DNAH17: variants seen among roughly 807,000 people sequenced by gnomAD.
The protein encoded by DNAH17 is axonemal beta dynein heavy chain 17.
A neutral mutation model predicts 485.6 loss-of-function variants in DNAH17; 376 were observed. The ratio of observed to expected loss-of-function variants is 0.77; its 90% confidence interval spans 0.71 to 0.84. The LOEUF is 0.84. DNAH17 is among the 40% of genes least tolerant of loss of function. The pLI is 0.00. For missense variants in DNAH17, 6,370 were observed against 5,839.3 expected, an observed-to-expected ratio of 1.09 and a Z score of -2.96; for synonymous variants, 3,031 against 2,405.9, an observed-to-expected ratio of 1.26 and a Z score of -7.60.
chr17:78,483,039 T>C, intron 48 of DNAH17, among the ~76,000 whole-genome samples: 1 of 152,226 alleles, frequency 6.6e-6, no homozygotes, highest in East Asian at 1.9e-4. Context: ...ACAGTAGACC[T>C]GCCTGCAGAG....
intron 57 of DNAH17, among the ~76,000 whole-genome samples, chr17:78,462,610 C>T (rs764165338): frequency 2.0e-5 from 3 of 152,210 alleles, no homozygotes; most frequent in East Asian, 1.9e-4. Flanking sequence ...CTGTGTAATG[C>T]GCCCTCCATA....
At chr17:78,464,313 G>A (rs538054937) in intron 56 of DNAH17, among the ~76,000 whole-genome samples, 1 of 152,216 alleles carries the variant, frequency 6.6e-6, no homozygotes, top group African/African-American at 2.4e-5. Context: ...AGGCTAGAGT[G>A]CAGTGGCACA....
rs1285960422 is a variant in DNAH17, at chr17:78,459,877, G to A, written c.9560C>T (p.Ala3187Val). The change falls in exon 60 of 81, where the codon GCC (alanine) becomes GTC (valine). Residue 3187 changes from alanine (A) to valine (V), a missense_variant. Ala to Val is a moderately conservative substitution (Grantham distance 64). Transcript: ENST00000389840. Reference protein sequence around the residue: ...KIPKDKSWKAAKIMMGKVDTF... With the variant: ...KIPKDKSWKAVKIMMGKVDTF... ...GTCCACCTTGCCCATCATGATCTTG[G>A]CCGCCTTCCAGCTCTTGTCCTTGGG... is the stretch of plus-strand genomic sequence containing the variant. 1.2e-6 allele frequency: 2 copies of A among 1,614,040 alleles called. No homozygotes were observed. The highest frequency in any genetic ancestry group is 1.3e-5 in the African/African-American group (1 of 75,056).
In DNAH17 at chr17:78,501,661, G is replaced by A. The variant is rs2090295390; in HGVS notation, c.5322+81C>T. 4 of 1,543,888 alleles carry A rather than the reference G, an allele frequency of 2.6e-6. No individual in the cohort carries two copies. The South Asian group carries it at 4.7e-5, about 18-fold the overall frequency. On this transcript the variant is annotated intron_variant, in intron 34 of 80. Coordinates refer to ENST00000389840, the MANE Select transcript of DNAH17 (RefSeq NM_173628.4). Reference sequence around the variant, plus strand: ...TGCCCCAGGAAGAGGAAGTGGCAGGGTCTGAAGTCCCTGAATGCACTGCCC... The same window carrying A: ...TGCCCCAGGAAGAGGAAGTGGCAGGATCTGAAGTCCCTGAATGCACTGCCC...
At chr17:78,539,385 G>C (rs2091461882) in intron 18 of DNAH17, among the ~76,000 whole-genome samples, 2 of 152,290 alleles carry the variant, frequency 1.3e-5, no homozygotes, top group East Asian at 3.9e-4. Context: ...AGTGGCTGTT[G>C]TTGCTGACAG....
At chr17:78,428,790 G>C (rs1292221221) in intron 76 of DNAH17, 83 bp from the exon 77 acceptor site, 17 of 1,509,198 alleles carry the variant, frequency 1.1e-5, no homozygotes, top group Non-Finnish European at 1.6e-5. Context: ...TTCCTTGCCA[G>C]AACGTTCACC....
Position 78,574,920 on chromosome 17 carries a change from C to G in DNAH17, c.138G>C (p.Lys46Asn), listed in dbSNP as rs765654501. 6.2e-7 allele frequency: 1 copy of G among 1,614,036 alleles called. No individual in the cohort carries two copies. The highest frequency in any genetic ancestry group is 1.1e-5 in the South Asian group (1 of 91,086). Reference sequence around the variant, plus strand: ...TCAGCACCAGCACCTGGACGTCGGGCTTTTCAAAGAACTCTGTGAACAGGG... The same window carrying G: ...TCAGCACCAGCACCTGGACGTCGGGGTTTTCAAAGAACTCTGTGAACAGGG... ...NVALFTEFFEKPDVQVLVLTL... is the reference protein window; with the variant it reads ...NVALFTEFFENPDVQVLVLTL... The change falls in exon 2 of 81, where the codon AAG (lysine) becomes AAC (asparagine). Residue 46 changes from lysine to asparagine, a missense_variant. By Grantham distance (94) the Lys-to-Asn change is moderately conservative. Coordinates refer to ENST00000389840, the MANE Select transcript of DNAH17 (RefSeq NM_173628.4).
chr17:78,566,845 C>G, intron 10 of DNAH17, 115 bp from the exon 11 acceptor site: 3 of 1,292,602 alleles, frequency 2.3e-6, no homozygotes, highest in Non-Finnish European at 3.2e-6. Flanking sequence ...GCTGAATGTG[C>G]TGTTGCGGGG....
At chr17:78,573,031 T>TC (rs2092383121) in intron 2 of DNAH17, 137 bp from the exon 3 acceptor site, 2 of 698,448 alleles carry the variant, frequency 2.9e-6, no homozygotes, top group Non-Finnish European at 4.7e-6. Flanking sequence ...CAGAGCCAGG[T>TC]CCCCAGGGGG....
intron 13 of DNAH17, among the ~76,000 whole-genome samples, chr17:78,560,536 G>A (rs1050149013): frequency 2.0e-5 from 3 of 152,104 alleles, no homozygotes; most frequent in Admixed American, 1.3e-4. Flanking sequence ...ACGCTTTCAA[G>A]AAGATACTCA....
chr17:78,466,812 A>AT lies in DNAH17; in HGVS notation c.8782dup (p.Ile2928AsnfsTer50). 6.3e-7 allele frequency: 1 copy of AT among 1,585,498 alleles called. No individual in the cohort carries two copies. The highest frequency in any genetic ancestry group is 8.6e-7 in the Non-Finnish European group (1 of 1,166,532). On this transcript the variant is annotated frameshift_variant, in exon 56 of 81. Transcript: ENST00000389840. LOFTEE classifies it high-confidence loss of function. ...GGAGCCCACAGGGGAGAAACACAGGATCACCTGGGTGTGGGAGACACAGAT... is the reference window on the plus strand; with the variant it reads ...GGAGCCCACAGGGGAGAAACACAGGATTCACCTGGGTGTGGGAGACACAGAT...
chr17:78,511,125 T>C (rs1476678778), intron 26 of DNAH17, among the ~76,000 whole-genome samples: 1 of 152,204 alleles, frequency 6.6e-6, no homozygotes, highest in East Asian at 1.9e-4. Context: ...CTGTTTTCTT[T>C]CTTTCTTTTG....
At chr17:78,574,142 C>A (rs538328754) in intron 2 of DNAH17, among the ~76,000 whole-genome samples, 249 of 152,300 alleles carry the variant, frequency 1.6e-3, no homozygotes, top group African/African-American at 5.6e-3. Context: ...CAAGGGGATG[C>A]TCGGGGCTTC....
chr17:78,469,851 A>G (rs1384142597), intron 54 of DNAH17, among the ~76,000 whole-genome samples: 1 of 152,224 alleles, frequency 6.6e-6, no homozygotes, highest in Non-Finnish European at 1.5e-5. Flanking sequence ...GATTCCACTT[A>G]CATGAGGTCC....
chr17:78,431,903 GGCTCAC>G (rs1426345882), intron 75 of DNAH17, among the ~76,000 whole-genome samples: 3 of 152,092 alleles, frequency 2.0e-5, no homozygotes, highest in African/African-American at 7.2e-5. Context: ...CAGGTGCGGT[GGCTCAC>G]GCCTGTAATC....
intron 54 of DNAH17, among the ~76,000 whole-genome samples, chr17:78,469,478 G>C (rs77630392): frequency 6.6e-6 from 1 of 152,150 alleles, no homozygotes; most frequent in Non-Finnish European, 1.5e-5. Context: ...GGCCAGGTGC[G>C]GTGGCTCATG....
intron 19 of DNAH17, among the ~76,000 whole-genome samples, chr17:78,536,591 G>C (rs868663027): frequency 5.3e-5 from 8 of 152,146 alleles, no homozygotes; most frequent in African/African-American, 1.9e-4. Flanking sequence ...TGAGGCGGGA[G>C]GATCAATTGG....
In DNAH17 at chr17:78,491,472, A is replaced by T. The variant is rs1232169664; in HGVS notation, c.6640T>A (p.Ser2214Thr). 5 of 1,612,904 alleles carry T rather than the reference A, an allele frequency of 3.1e-6. No homozygotes were observed. The highest frequency in any genetic ancestry group is 1.3e-5 in the African/African-American group (1 of 74,864). ...TTGTCATCCATGACTGTGTTGAGAG[A>T]CTCGATCCACATGGGGTCTATGTCT... Reference protein sequence around the residue: ...DGDIDPMWIESLNTVMDDNKV... With the variant: ...DGDIDPMWIETLNTVMDDNKV... Residue 2214 changes from serine (S) to threonine (T), a missense_variant, in exon 43 of 81, where the codon TCT becomes ACT. Ser to Thr is a moderately conservative substitution (Grantham distance 58). Coordinates refer to ENST00000389840, the MANE Select transcript of DNAH17 (RefSeq NM_173628.4).
At chr17:78,429,542 T>C (rs1289958752) in intron 75 of DNAH17, among the ~76,000 whole-genome samples, 1 of 152,202 alleles carries the variant, frequency 6.6e-6, no homozygotes, top group African/African-American at 2.4e-5. Flanking sequence ...CACAAGGGGC[T>C]GTGTGGCACC....
Sources: gnomAD v4.1 joint callset for allele counts (sites outside exome capture counted in the v4.1 genomes callset) on GRCh38, gnomAD v4.1.1 for gene constraint, MANE v1.5 for transcripts, NCBI Gene and HGNC (gene_info 2026-07-23, HGNC 2026-07-21) for gene names.